AMMECR1: variants seen among roughly 807,000 people sequenced by gnomAD.
The protein encoded by AMMECR1 is nuclear protein AMMECR1.
Under a neutral mutation model 22.5 loss-of-function variants are expected in AMMECR1, and 3 were observed. That is an observed-to-expected ratio of 0.13 (90% confidence interval 0.06 to 0.35). AMMECR1 has a LOEUF of 0.35. Among genes scored for constraint, AMMECR1 ranks in the 10% least tolerant of loss-of-function variants. The probability of loss-of-function intolerance (pLI) is 1.00; values close to 1 mark genes in which losing one functional copy is unlikely to be tolerated. For synonymous variants in AMMECR1, 130 were observed against 116.7 expected (o/e 1.11, Z -0.74); for missense variants, 235 against 278.7 (o/e 0.84, Z 1.12).
At chrX:110,357,157 T>G (rs73251803) in intron 2 of AMMECR1, among the ~76,000 whole-genome samples, 1 of 111,767 alleles carries the variant, frequency 8.9e-6, no homozygotes, top group Non-Finnish European at 1.9e-5. Flanking sequence ...TAACACTCTA[T>G]TTTTGAAAGA....
intron 1 of AMMECR1, among the ~76,000 whole-genome samples, chrX:110,271,163 T>C (rs1353956646): frequency 8.9e-6 from 1 of 111,901 alleles, no homozygotes; most frequent in Non-Finnish European, 1.9e-5. Context: ...AAGCTTTGTA[T>C]AATAAATAGC....
At chrX:110,360,879 G>A (rs1260951593) in intron 2 of AMMECR1, among the ~76,000 whole-genome samples, 2 of 111,432 alleles carry the variant, frequency 1.8e-5, no homozygotes, top group East Asian at 2.8e-4. Flanking sequence ...ATTTTGTCAC[G>A]GACTGACTTC....
chrX:110,259,722 G>C (rs1234627935), intron 2 of AMMECR1, among the ~76,000 whole-genome samples: 1 of 108,629 alleles, frequency 9.2e-6, no homozygotes, highest in Non-Finnish European at 1.9e-5. Flanking sequence ...CTCCCGAGTA[G>C]CTGGGACTAC....
Position 110,311,698 on chromosome X carries a change from C to T in AMMECR1, c.473+5901G>A, listed in dbSNP as rs368488619. On this transcript the variant is annotated intron_variant, in intron 1 of 5. Transcript: ENST00000262844. Reference sequence around the variant, plus strand: ...CTCCACCCAACCAACTATACTATTACACTGTACTTCTTCCTTTGGGTTATT... The same window carrying T: ...CTCCACCCAACCAACTATACTATTATACTGTACTTCTTCCTTTGGGTTATT... Among the ~76,000 whole-genome samples the T allele has an allele frequency of 1.1e-4, 12 of 112,257 alleles. No homozygotes were observed. In the East Asian group the frequency reaches 1.1e-3, roughly 10 times the overall value.
chrX:110,392,978 G>A (rs2068505093), intron 2 of AMMECR1, among the ~76,000 whole-genome samples: 1 of 111,822 alleles, frequency 8.9e-6, no homozygotes, highest in Non-Finnish European at 1.9e-5. Context: ...CAGATGCAAG[G>A]GCCTGGGCTT....
intron 2 of AMMECR1, among the ~76,000 whole-genome samples, chrX:110,392,484 T>G (rs1382652316): frequency 1.8e-5 from 2 of 111,308 alleles, no homozygotes; most frequent in African/African-American, 6.6e-5. Flanking sequence ...GGCCTTGCTT[T>G]GTTGTCCAGG....
intron 2 of AMMECR1, among the ~76,000 whole-genome samples, chrX:110,258,897 A>C (rs148344846): frequency 0.011 from 1,227 of 111,824 alleles, 16 homozygotes; most frequent in African/African-American, 0.039. Flanking sequence ...TTACCCAAAT[A>C]ATCAAGAATA....
intron 1 of AMMECR1, among the ~76,000 whole-genome samples, chrX:110,303,438 T>C (rs775269091): frequency 7.2e-5 from 8 of 111,576 alleles, no homozygotes; most frequent in Non-Finnish European, 1.3e-4. Flanking sequence ...ATAAACAAAA[T>C]TGCCTCCCAC....
Position 110,197,344 on chromosome X carries a change from A to G in AMMECR1, c.*1176T>C, listed in dbSNP as rs1475455343. The G allele has an allele frequency of 3.6e-5, 4 of 112,551 alleles. No individual in the cohort carries two copies. The highest frequency in any genetic ancestry group is 5.5e-4 in the East Asian group (2 of 3,608). 9.3% of individuals were successfully genotyped at this position (112,551 alleles called of 1,213,427 possible). ...AAACATATCTGAAATCATGGCAAAT[A>G]TGAACTTTTGTTTTACTAAATTATC... On this transcript the variant is annotated 3_prime_UTR_variant, in exon 6 of 6. Transcript: ENST00000262844.
intron 1 of AMMECR1, among the ~76,000 whole-genome samples, chrX:110,288,858 CAT>C (rs934396528): frequency 8.9e-6 from 1 of 111,948 alleles, no homozygotes; most frequent in African/African-American, 3.2e-5. Flanking sequence ...CTTATTCAAC[CAT>C]ATAACTTCTA....
At chrX:110,333,460 A>G (rs898516842) in intron 2 of AMMECR1, among the ~76,000 whole-genome samples, 1 of 111,500 alleles carries the variant, frequency 9.0e-6, no homozygotes, top group Non-Finnish European at 1.9e-5. Context: ...ATACCATTTG[A>G]CCCAGCAATC....
chrX:110,342,353 G>A (rs1200722808), intron 2 of AMMECR1, among the ~76,000 whole-genome samples: 2 of 110,864 alleles, frequency 1.8e-5, no homozygotes, highest in East Asian at 2.8e-4. Context: ...CATTAAAAAA[G>A]TGGGCATACA....
chrX:110,404,552 G>A (rs1182092947), intron 2 of AMMECR1, among the ~76,000 whole-genome samples: 1 of 112,087 alleles, frequency 8.9e-6, no homozygotes, highest in Non-Finnish European at 1.9e-5. Context: ...CTGTAATTAC[G>A]AAAGCTGAAA....
At chrX:110,428,510 G>T (rs1477549938) in intron 1 of AMMECR1, among the ~76,000 whole-genome samples, 1 of 111,446 alleles carries the variant, frequency 9.0e-6, no homozygotes, top group Non-Finnish European at 1.9e-5. Flanking sequence ...CATATCATCA[G>T]CCACTATTTC....
At chrX:110,280,513 G>C (rs2067847154) in intron 1 of AMMECR1, among the ~76,000 whole-genome samples, 2 of 110,963 alleles carry the variant, frequency 1.8e-5, no homozygotes, top group Admixed American at 1.9e-4. Context: ...TAAATGGACT[G>C]GATATTCATA....
intron 2 of AMMECR1, among the ~76,000 whole-genome samples, chrX:110,386,944 GA>G (rs948849072): frequency 8.9e-6 from 1 of 112,231 alleles, no homozygotes; most frequent in Non-Finnish European, 1.9e-5. Context: ...GACCACAACA[GA>G]AAAGATGCCA....
At chrX:110,316,863 A>G (rs1602890625) in intron 1 of AMMECR1, among the ~76,000 whole-genome samples, 2 of 109,048 alleles carry the variant, frequency 1.8e-5, no homozygotes, top group South Asian at 4.1e-4. Context: ...CTCTGTGGGG[A>G]CAGTTCTCTT....
chrX:110,398,994 G>C (rs1429784670), intron 2 of AMMECR1, among the ~76,000 whole-genome samples: 1 of 111,956 alleles, frequency 8.9e-6, no homozygotes, highest in African/African-American at 3.3e-5. Flanking sequence ...TGTTGACTAG[G>C]AGAGTGGTGG....
At chrX:110,425,602 G>A (rs183294032) in intron 2 of AMMECR1, among the ~76,000 whole-genome samples, 163 of 113,040 alleles carry the variant, frequency 1.4e-3, no homozygotes, top group Middle Eastern at 0.014. Context: ...AATAATAGTT[G>A]CCCTATAGTG....
Sources: allele counts gnomAD v4.1 joint callset (sites outside exome capture counted in the v4.1 genomes callset), GRCh38; gene constraint gnomAD v4.1.1; transcripts MANE v1.5; gene names NCBI Gene and HGNC (gene_info 2026-07-23, HGNC 2026-07-21).